Variants in RMDN3 observed in about 807,000 individuals in gnomAD.
RMDN3 encodes the protein regulator of microtubule dynamics protein 3.
RMDN3 carries 41 observed loss-of-function variants against 61.8 expected under a neutral mutation model. The ratio of observed to expected loss-of-function variants is 0.66; its 90% CI spans 0.52 to 0.86. The LOEUF (loss-of-function observed/expected upper bound fraction) is 0.86, where lower values mean the gene tolerates loss of function less well. RMDN3 is among the 40% of genes least tolerant of loss of function. The probability of loss-of-function intolerance (pLI) is 0.00; values close to 1 mark genes in which losing one functional copy is unlikely to be tolerated. For missense variants in RMDN3, 557 were observed against 585.3 expected (o/e 0.95, Z 0.50); for synonymous variants, 247 against 232.0 (o/e 1.06, Z -0.59).
intron 2 of RMDN3, 25 bp downstream of exon 2, chr15:40,754,572 G>A (rs766817772): frequency 6.3e-7 from 1 of 1,596,520 alleles, no homozygotes; most frequent in Admixed American, 1.7e-5. Flanking sequence ...TGCAGTGACC[G>A]CGGTCTCAGG....
Position 40,752,177 on chromosome 15 carries a change from C to G in RMDN3, c.189G>C (p.Val63=). 1 of 1,612,644 alleles carries G rather than the reference C, an allele frequency of 6.2e-7. No individual in the cohort carries two copies. The change falls in exon 3 of 13, where the codon GTG becomes GTC. Residue 63 remains valine, a splice_region_variant and synonymous_variant. Transcript: ENST00000338376. The stretch of plus-strand genomic sequence containing the variant: ...CACCTGGGACAGCCCGCAGGAGCAT[C>G]ACTGAAGGGGGAAACGAATGGGAGC... ...YTQTSDPGRH[V]MLLRAVPGGA...
rs1897388994 is a variant in RMDN3 at position 40,744,064 on chromosome 15, T to G, written c.893A>C (p.Lys298Thr). The G allele has an allele frequency of 2.5e-6, 4 of 1,612,938 alleles. No homozygotes were observed. Among genetic ancestry groups the G allele is most frequent in the African/African-American group, 2.7e-5 (2 of 74,880 alleles). ...CELTEEVSEK[K>T]SYALDGKEEA... ...GCACTTACCATCTAGGGCATATGAC[T>G]TCTTCTCGCTCACCTCCTCAGTGAG... Residue 298 changes from lysine to threonine, a missense_variant, in exon 6 of 13, where the codon AAG (lysine) becomes ACG (threonine). Transcript: ENST00000338376.
chr15:40,743,886 G>A (rs981578456), intron 6 of RMDN3, among the ~76,000 whole-genome samples, 161 bp downstream of exon 6: 4 of 152,186 alleles, frequency 2.6e-5, no homozygotes, highest in Non-Finnish European at 5.9e-5. Context: ...TCTTCCAGAG[G>A]AGAAAGCAAG....
At chr15:40,737,838 T>C in intron 9 of RMDN3, 112 bp from the exon 10 acceptor site, 1 of 1,436,272 alleles carries the variant, frequency 7.0e-7, no homozygotes, top group Admixed American at 1.7e-5. Context: ...GAACCACCAA[T>C]AATACGAGCA....
At chr15:40,740,940 C>A (rs1193265475) in intron 6 of RMDN3, among the ~76,000 whole-genome samples, 1 of 151,662 alleles carries the variant, frequency 6.6e-6, no homozygotes, top group African/African-American at 2.4e-5. Context: ...ATAAAATTAG[C>A]CAGGCATGTT....
chr15:40,742,276 A>G (rs1043367092), intron 6 of RMDN3, among the ~76,000 whole-genome samples: 1 of 148,916 alleles, frequency 6.7e-6, no homozygotes, highest in Non-Finnish European at 1.5e-5. Flanking sequence ...CCAAAGTGCT[A>G]GGATTATAGG....
chr15:40,745,444 G>A (rs997327981), intron 4 of RMDN3, among the ~76,000 whole-genome samples, 185 bp from the exon 5 acceptor site: 13 of 128,848 alleles, frequency 1.0e-4, no homozygotes, highest in African/African-American at 1.8e-4. Flanking sequence ...ACAGGGTCCC[G>A]CTCTGTCACC....
In RMDN3 at chr15:40,751,408, C is replaced by T; in HGVS notation, c.524+18G>A. The T allele has an allele frequency of 1.2e-6, 2 of 1,612,950 alleles. No homozygotes were observed. On this transcript the variant is annotated intron_variant, in intron 4 of 12. Transcript: ENST00000338376. ...AACCTGGCTGTAGCCATAACTGCCT[C>T]CAAGAGAGACAACTCACCCCCCTTC...
Position 40,738,056 on chromosome 15 carries a change from G to A in RMDN3, c.1048-14C>T, listed in dbSNP as rs2141899516. 1 of 1,613,544 alleles carries A rather than the reference G, an allele frequency of 6.2e-7. No homozygotes were observed. Among genetic ancestry groups the A allele is most frequent in the Non-Finnish European group, 8.5e-7 (1 of 1,179,468 alleles). ...GTCCACATGCTCCTAAGGGGAAAAT[G>A]TAAATATAAACTAACATCAGACACC... On this transcript the variant is annotated splice_polypyrimidine_tract_variant and intron_variant, in intron 8 of 12. Transcript: ENST00000338376.
At position 40,741,620 on chromosome 15, in the gene RMDN3, A is replaced by ATTTTTTTTTTTTTTTT. The variant is rs553262858; in HGVS notation, c.911-1443_911-1428dup. 3.9e-3 allele frequency among the ~76,000 whole-genome samples: 283 copies of ATTTTTTTTTTTTTTTT among 71,718 alleles called. 52 individuals are homozygous for ATTTTTTTTTTTTTTTT. The highest frequency in any genetic ancestry group is 6.9e-3 in the South Asian group (9 of 1,298). 47.0% of individuals were successfully genotyped at this position (71,718 alleles called of 152,430 possible). A position where few individuals can be genotyped will look rare whatever the true frequency, so the allele number is the denominator to read the frequency against. Reference sequence around the variant, plus strand: ...ACTGGAGAAGACACTGCAACATAGGATTTTTTTTTTTTTTTTTTTTTTTTT... The same window carrying ATTTTTTTTTTTTTTTT: ...ACTGGAGAAGACACTGCAACATAGGATTTTTTTTTTTTTTTTTTTTTTTTTTTTTTTTTTTTTTTTT... On this transcript the variant is annotated intron_variant, in intron 6 of 12. Transcript: ENST00000338376.
chr15:40,752,259 C>A, intron 2 of RMDN3, 81 bp from the exon 3 acceptor site: 1 of 1,400,414 alleles, frequency 7.1e-7, no homozygotes, highest in Non-Finnish European at 9.8e-7. Flanking sequence ...TTCAAGAATA[C>A]CTGCTTTCCA....
At position 40,736,484 on chromosome 15, in the gene RMDN3, T is replaced by G. The variant is rs1897048475; in HGVS notation, c.*57A>C. The G allele has an allele frequency of 1.3e-6, 2 of 1,549,492 alleles. No individual in the cohort carries two copies. Among genetic ancestry groups the G allele is most frequent in the African/African-American group, 1.4e-5 (1 of 73,342 alleles). On this transcript the variant is annotated 3_prime_UTR_variant, in exon 13 of 13. Coordinates refer to ENST00000338376, the MANE Select transcript of RMDN3 (RefSeq NM_018145.3). Reference sequence around the variant, plus strand: ...TCAGCAAGGTCTAAGGAAAAAAGCCTCCCCGCCCCCCCACCTTAAATAGTG... The same window carrying G: ...TCAGCAAGGTCTAAGGAAAAAAGCCGCCCCGCCCCCCCACCTTAAATAGTG...
Position 40,740,157 on chromosome 15 carries a change from T to A in RMDN3, c.947A>T (p.Asp316Val). ...EEAEAALEKGDESADCHLWYA... is the reference protein window; with the variant it reads ...EEAEAALEKGVESADCHLWYA... ...CCACAGGTGACAGTCAGCACTCTCATCCCCCTTCTCCAGAGCAGCCTCTGC... is the reference window on the plus strand; with the variant it reads ...CCACAGGTGACAGTCAGCACTCTCAACCCCCTTCTCCAGAGCAGCCTCTGC... The change falls in exon 7 of 13, where the codon GAT becomes GTT. Residue 316 changes from aspartate (D) to valine (V), a missense_variant. Asp to Val is a radical substitution (Grantham distance 152). Transcript: ENST00000338376. The A allele has an allele frequency of 1.9e-6, 3 of 1,612,062 alleles. No homozygotes were observed. Among genetic ancestry groups the A allele is most frequent in the Non-Finnish European group, 2.5e-6 (3 of 1,178,578 alleles).
chr15:40,736,568 T>TTCCAGGTCC lies in RMDN3; in HGVS notation c.1377_1385dup (p.Asp460_Glu462dup). On this transcript the variant is annotated inframe_insertion, in exon 13 of 13. Transcript: ENST00000338376. Reference sequence around the variant, plus strand: ...AGTCTCGTAAAATGACTTCCAGTTCTTCCAGGTCCTTCTGGATAGCCAAAT... The same window carrying TTCCAGGTCC: ...AGTCTCGTAAAATGACTTCCAGTTCTTCCAGGTCCTCCAGGTCCTTCTGGATAGCCAAAT... The TTCCAGGTCC allele has an allele frequency of 6.2e-7, 1 of 1,614,120 alleles. No individual in the cohort carries two copies.
chr15:40,744,350 G>A (rs1897412855), intron 5 of RMDN3: 2 of 553,944 alleles, frequency 3.6e-6, no homozygotes, highest in African/African-American at 3.8e-5. Flanking sequence ...TCTCTGTCTA[G>A]CCAGTAGCTT....
At chr15:40,745,921 C>T (rs1001954354) in intron 4 of RMDN3, among the ~76,000 whole-genome samples, 6 of 152,166 alleles carry the variant, frequency 3.9e-5, no homozygotes, top group African/African-American at 9.7e-5. Context: ...AAACCTAAAC[C>T]GCAACAGGAG....
rs371753048 is a variant in RMDN3 at position 40,752,058 on chromosome 15, G to A, written c.308C>T (p.Ala103Val). Residue 103 changes from alanine to valine, a missense_variant, in exon 3 of 13, where the codon GCG becomes GTG. By Grantham distance (64) the Ala-to-Val change is moderately conservative (BLOSUM62 0). Transcript: ENST00000338376. Reference sequence around the variant, plus strand: ...CAGCTCCTCCACCTCCCGCCGCAGCGCCACAAGGCTGGTCAGCACAAAGTC... The same window carrying A: ...CAGCTCCTCCACCTCCCGCCGCAGCACCACAAGGCTGGTCAGCACAAAGTC... ...RLDFVLTSLV[A>V]LRREVEELRS... 5.6e-5 allele frequency: 91 copies of A among 1,614,096 alleles called. No homozygotes were observed. Among genetic ancestry groups the A allele is most frequent in the South Asian group, 8.8e-5 (8 of 91,088 alleles).
intron 4 of RMDN3, among the ~76,000 whole-genome samples, chr15:40,746,059 T>C (rs941898552): frequency 2.0e-5 from 3 of 152,218 alleles, no homozygotes; most frequent in Non-Finnish European, 4.4e-5. Flanking sequence ...GGCTGCCATA[T>C]GCCAGGTGGC....
Position 40,744,053 on chromosome 15 carries a change from G to A in RMDN3, c.904C>T (p.Leu302=), listed in dbSNP as rs778057195. The change falls in exon 6 of 13, where the codon CTA becomes TTA. Residue 302 remains leucine, a synonymous_variant. Transcript: ENST00000338376. The part of the protein sequence containing the change: ...EEVSEKKSYA[L]DGKEEAEAAL... Reference sequence around the variant, plus strand: ...GGAAGCTGTCAGCACTTACCATCTAGGGCATATGACTTCTTCTCGCTCACC... The same window carrying A: ...GGAAGCTGTCAGCACTTACCATCTAAGGCATATGACTTCTTCTCGCTCACC... The A allele has an allele frequency of 3.7e-6, 6 of 1,612,224 alleles. No individual in the cohort carries two copies. In the African/African-American group the frequency reaches 5.3e-5, roughly 14 times the overall value.
Sources: allele counts gnomAD v4.1 joint callset (sites outside exome capture counted in the v4.1 genomes callset), GRCh38; gene constraint gnomAD v4.1.1; transcripts MANE v1.5; gene names NCBI Gene and HGNC (gene_info 2026-07-23, HGNC 2026-07-21).